OPTC: variants seen among roughly 807,000 people sequenced by gnomAD.
OPTC encodes opticin.
In OPTC, 22 loss-of-function variants were observed where a neutral mutation model predicts 25.4. The ratio of observed to expected loss-of-function variants is 0.87; its 90% confidence interval spans 0.62 to 1.24. The LOEUF is 1.24. Ranked by LOEUF, OPTC falls within the 50% of genes most tolerant of loss-of-function variation. The pLI, the probability that OPTC is intolerant of heterozygous loss-of-function variation, is 0.00. For missense variants in OPTC, 417 were observed against 425.2 expected, an observed-to-expected ratio of 0.98 and a Z score of 0.17; for synonymous variants, 169 against 179.3, an observed-to-expected ratio of 0.94 and a Z score of 0.46.
intron 5 of OPTC, among the ~76,000 whole-genome samples, chr1:203,501,724 G>T (rs1165715100): frequency 6.6e-6 from 1 of 152,186 alleles, no homozygotes; most frequent in African/African-American, 2.4e-5. Context: ...TCTCCTGTCT[G>T]CAGTGGTCTT....
At chr1:203,500,283 C>CTAT (rs1210189470) in intron 5 of OPTC, among the ~76,000 whole-genome samples, 1 of 47,866 alleles carries the variant, frequency 2.1e-5, no homozygotes, top group Non-Finnish European at 4.0e-5. Flanking sequence ...ACCTCCACCT[C>CTAT]CACCACCCAC....
chr1:203,494,954 A>C (rs1661254614), intron 1 of OPTC, among the ~76,000 whole-genome samples: 1 of 152,240 alleles, frequency 6.6e-6, no homozygotes, highest in South Asian at 2.1e-4. Flanking sequence ...AGATGCGTAC[A>C]CACTCATGCA....
At chr1:203,499,591 G>C in intron 4 of OPTC, 58 bp from the exon 5 acceptor site, 1 of 1,460,288 alleles carries the variant, frequency 6.8e-7, no homozygotes, top group African/African-American at 1.4e-5. Context: ...CTCCAACCTG[G>C]ACAAGGAAAG....
chr1:203,502,357 C>T (rs995292653), intron 5 of OPTC, among the ~76,000 whole-genome samples: 62 of 152,154 alleles, frequency 4.1e-4, no homozygotes, highest in African/African-American at 1.4e-3. Flanking sequence ...AGAGCATGGA[C>T]GATAAACAGA....
intron 3 of OPTC, 69 bp from the exon 4 acceptor site, chr1:203,498,612 C>A: frequency 6.3e-7 from 1 of 1,595,292 alleles, no homozygotes. Flanking sequence ...CAGACACTCC[C>A]TGGGGCGAGG....
intron 7 of OPTC, among the ~76,000 whole-genome samples, chr1:203,504,816 G>A (rs1661451467): frequency 6.6e-6 from 1 of 152,230 alleles, no homozygotes; most frequent in Non-Finnish European, 1.5e-5. Flanking sequence ...GGCTACTGGG[G>A]TTTCCATCCT....
At chr1:203,498,304 A>C (rs1460997579) in intron 3 of OPTC, among the ~76,000 whole-genome samples, 1 of 152,246 alleles carries the variant, frequency 6.6e-6, no homozygotes, top group Non-Finnish European at 1.5e-5. Context: ...AGAGCCAGCA[A>C]CCACTGGCCA....
At chr1:203,499,884 C>A (rs770679288) in intron 5 of OPTC, 33 bp downstream of exon 5, 9 of 1,562,358 alleles carry the variant, frequency 5.8e-6, no homozygotes, top group South Asian at 2.2e-5. Context: ...CTATCTATCA[C>A]CTCCACCACC....
Position 203,498,841 on chromosome 1 carries a change from T to G in OPTC, c.529+2T>G, listed in dbSNP as rs374472586. The G allele has an allele frequency of 1.9e-6, 3 of 1,613,512 alleles. No homozygotes were observed. The African/African-American group carries it at 4.0e-5, about 22-fold the overall frequency. On this transcript the variant is annotated splice_donor_variant, in intron 4 of 7. Coordinates refer to ENST00000367222, the MANE Select transcript of OPTC (RefSeq NM_014359.4). LOFTEE classifies it high-confidence loss of function. ...GGGCCGAAGACTTCAAAGGGCTGAG[T>G]ATGTAATGCCCTGGGAAAAGAGGAG...
At chr1:203,508,277 G>A (rs1558241976) in intron 7 of OPTC, among the ~76,000 whole-genome samples, 2 of 152,166 alleles carry the variant, frequency 1.3e-5, no homozygotes, top group East Asian at 1.9e-4. Context: ...GCAAGGACTC[G>A]GGAGGGCATC....
At position 203,496,181 on chromosome 1, in the gene OPTC, T is replaced by A. The variant is rs1558236694; in HGVS notation, c.176T>A (p.Val59Asp). The A allele has an allele frequency of 6.2e-7, 1 of 1,614,112 alleles. No homozygotes were observed. The highest frequency in any genetic ancestry group is 2.2e-5 in the East Asian group (1 of 44,874). Residue 59 changes from valine (V) to aspartate (D), a missense_variant, in exon 2 of 8, where the codon GTC becomes GAC. Coordinates refer to ENST00000367222, the MANE Select transcript of OPTC (RefSeq NM_014359.4). ...CTGAACCCAGACAACTATGGTGAAG[T>A]CATTGACCTGAGCAACTATGAGGAG... ...DVLNPDNYGE[V>D]IDLSNYEELT...
At position 203,502,897 on chromosome 1, in the gene OPTC, C is replaced by G. The variant is rs750515097; in HGVS notation, c.733-17C>G. 2 of 1,609,484 alleles carry G rather than the reference C, an allele frequency of 1.2e-6. No homozygotes were observed. The highest frequency in any genetic ancestry group is 1.7e-5 in the Admixed American group (1 of 60,000). On this transcript the variant is annotated splice_polypyrimidine_tract_variant and intron_variant, in intron 5 of 7. Coordinates refer to ENST00000367222, the MANE Select transcript of OPTC (RefSeq NM_014359.4). ...ACAGGACCCACCAGCCTCCTACACTCTTTGCTTTCTCCACAGGCAATGGAG... is the reference window on the plus strand; with the variant it reads ...ACAGGACCCACCAGCCTCCTACACTGTTTGCTTTCTCCACAGGCAATGGAG...
In OPTC at chr1:203,505,947, TCA is replaced by T. The variant is rs1491345212; in HGVS notation, c.*25+2203_*25+2204del. Among the ~76,000 whole-genome samples the T allele has an allele frequency of 1.7e-3, 230 of 131,658 alleles. 1 individual carries two copies. The South Asian group carries it at 0.022, about 13-fold the overall frequency. 86.4% of individuals were successfully genotyped at this position (131,658 alleles called of 152,430 possible). A position where few individuals can be genotyped will look rare whatever the true frequency, so the allele number is the denominator to read the frequency against. ...CTCTCTGTGTGTGTCTCTCTCTCTC[TCA>T]GAGTGTGTGTGTGTGTGTGTGTTTT... is the stretch of plus-strand genomic sequence containing the variant. On this transcript the variant is annotated intron_variant, in intron 7 of 7. Coordinates refer to ENST00000367222, the MANE Select transcript of OPTC (RefSeq NM_014359.4).
intron 7 of OPTC, among the ~76,000 whole-genome samples, chr1:203,505,812 G>A (rs773524599): frequency 6.6e-6 from 1 of 152,166 alleles, no homozygotes; most frequent in Non-Finnish European, 1.5e-5. Context: ...GACGGGGAAG[G>A]CAGTGAGCCA....
chr1:203,503,615 C>G lies in OPTC; in HGVS notation c.894C>G (p.Arg298=), dbSNP rs753445608. Residue 298 remains arginine (R), a synonymous_variant, in exon 7 of 8, where the codon CGC becomes CGG. Coordinates refer to ENST00000367222, the MANE Select transcript of OPTC (RefSeq NM_014359.4). ...ACCCCGAGGAGCACAAACACACCCGCAGGCAGCTGGAAGACATCCGCCTGG... is the reference window on the plus strand; with the variant it reads ...ACCCCGAGGAGCACAAACACACCCGGAGGCAGCTGGAAGACATCCGCCTGG... ...FCDPEEHKHT[R]RQLEDIRLDG... 4 of 1,613,606 alleles carry G rather than the reference C, an allele frequency of 2.5e-6. No homozygotes were observed. The highest frequency in any genetic ancestry group is 1.3e-5 in the African/African-American group (1 of 74,938).
At chr1:203,505,510 A>T (rs949046217) in intron 7 of OPTC, among the ~76,000 whole-genome samples, 1 of 152,180 alleles carries the variant, frequency 6.6e-6, no homozygotes, top group African/African-American at 2.4e-5. Flanking sequence ...AAAGGAATCC[A>T]TGTATCTGCC....
Position 203,496,222 on chromosome 1 carries a change from G to T in OPTC, c.217G>T (p.Asp73Tyr). ...CTATGAGGAGCTCACAGATTATGGG[G>T]ACCAACTCCCCGAGGTGAGGGACAC... ...SNYEELTDYG[D>Y]QLPEVKVTSL... The change falls in exon 2 of 8, where the codon GAC (aspartate) becomes TAC (tyrosine). Residue 73 changes from aspartate to tyrosine, a missense_variant. Transcript: ENST00000367222. The T allele has an allele frequency of 1.2e-6, 2 of 1,613,256 alleles. No individual in the cohort carries two copies. The highest frequency in any genetic ancestry group is 1.1e-5 in the South Asian group (1 of 91,052).
intron 2 of OPTC, among the ~76,000 whole-genome samples, chr1:203,496,665 G>A (rs556395716): frequency 2.8e-4 from 43 of 152,270 alleles, no homozygotes; most frequent in African/African-American, 1.0e-3. Context: ...TGGTCGGTGT[G>A]GAGCAGGGGA....
chr1:203,503,675 C>G lies in OPTC; in HGVS notation c.954C>G (p.Ser318Arg), dbSNP rs371318607. 1.2e-6 allele frequency: 2 copies of G among 1,612,416 alleles called. No individual in the cohort carries two copies. Among genetic ancestry groups the G allele is most frequent in the Non-Finnish European group, 1.7e-6 (2 of 1,180,028 alleles). ...CCATCAACCTCAGCCTCTTCCCCAG[C>G]GCCTACTTCTGCCTGCCTCGGCTCC... is the stretch of plus-strand genomic sequence containing the variant. ...GNPINLSLFP[S>R]AYFCLPRLPI... The change falls in exon 7 of 8, where the codon AGC (serine) becomes AGG (arginine). Residue 318 changes from serine to arginine, a missense_variant. Coordinates refer to ENST00000367222, the MANE Select transcript of OPTC (RefSeq NM_014359.4).
Sources: gnomAD v4.1 joint callset for allele counts (sites outside exome capture counted in the v4.1 genomes callset) on GRCh38, gnomAD v4.1.1 for gene constraint, MANE v1.5 for transcripts, NCBI Gene and HGNC (gene_info 2026-07-23, HGNC 2026-07-21) for gene names.